The following KDM2A variants were observed in gnomAD, a reference collection of about 807,000 sequenced individuals.
KDM2A encodes the protein lysine-specific demethylase 2A.
In KDM2A, 3 loss-of-function variants were observed where a neutral mutation model predicts 137.3. That is an observed-to-expected ratio of 0.02 (90% CI 0.01 to 0.06). The LOEUF (loss-of-function observed/expected upper bound fraction) is 0.06. Among genes scored for constraint, KDM2A ranks in the 10% least tolerant of loss-of-function variants. The pLI is 1.00. For synonymous variants in KDM2A, 512 were observed against 541.5 expected (o/e 0.95, Z 0.76); for missense variants, 738 against 1,510.6 (o/e 0.49, Z 8.48).
chr11:67,245,638 A>T lies in KDM2A; in HGVS notation c.1833+180A>T. The T allele has an allele frequency of 1.5e-6, 1 of 669,826 alleles. No homozygotes were observed. The highest frequency in any genetic ancestry group is 2.5e-6 in the Non-Finnish European group (1 of 402,820). 41.5% of individuals were successfully genotyped at this position (669,826 alleles called of 1,614,324 possible). On this transcript the variant is annotated intron_variant, in intron 14 of 20. Coordinates refer to ENST00000529006, the MANE Select transcript of KDM2A (RefSeq NM_012308.3). The surrounding 1 kb of genome is among the most constrained non-coding windows in gnomAD (Gnocchi z 4.1). ...TAGATAGAAGGTATCTAGTACTAAA[A>T]ATCCGATTTAATCTTTAGGCTTTAC...
chr11:67,249,972 A>T, intron 16 of KDM2A, 114 bp from the exon 17 acceptor site: 1 of 715,744 alleles, frequency 1.4e-6, no homozygotes, highest in East Asian at 3.0e-5. Context: ...CCCCCTCTCC[A>T]ACGTGACCTT....
rs79428209 is a variant in KDM2A at position 67,235,697 on chromosome 11, C to T, written c.1479+3737C>T. Reference sequence around the variant, plus strand: ...GGTGCAGTGGCGCCATCTCGGCTCACTGCAGCCTCCACCTCCTGGGTTCAA... The same window carrying T: ...GGTGCAGTGGCGCCATCTCGGCTCATTGCAGCCTCCACCTCCTGGGTTCAA... On this transcript the variant is annotated intron_variant, in intron 12 of 20. Coordinates refer to ENST00000529006, the MANE Select transcript of KDM2A (RefSeq NM_012308.3). Among the ~76,000 whole-genome samples the T allele has an allele frequency of 9.3e-3, 1,418 of 152,140 alleles. 9 individuals carry two copies. Among genetic ancestry groups the T allele is most frequent in the Non-Finnish European group, 0.015 (1,009 of 68,012 alleles).
In KDM2A at chr11:67,254,101, T is replaced by C; in HGVS notation, c.3092-102T>C. On this transcript the variant is annotated intron_variant, in intron 19 of 20. Coordinates refer to ENST00000529006, the MANE Select transcript of KDM2A (RefSeq NM_012308.3). This position sits in a 1 kb window ranked among gnomAD's most constrained non-coding sequence, Gnocchi z 4.7. ...GGTGTGGGCAGTTCTACTTAACCCC[T>C]TCAAGGGGGCCTGGCCAGCAAGTAG... The C allele has an allele frequency of 9.3e-7, 1 of 1,077,098 alleles. No individual in the cohort carries two copies. The highest frequency in any genetic ancestry group is 1.6e-5 in the African/African-American group (1 of 63,640). 66.7% of individuals were successfully genotyped at this position (1,077,098 alleles called of 1,614,324 possible).
At chr11:67,224,302 C>T (rs1227745401) in intron 10 of KDM2A, among the ~76,000 whole-genome samples, 1 of 152,020 alleles carries the variant, frequency 6.6e-6, no homozygotes, top group Non-Finnish European at 1.5e-5. Flanking sequence ...GAAATATGGC[C>T]TCTCTAAAAG....
rs946957961 is a variant in KDM2A, at chr11:67,173,508, T to G, written c.43-6571T>G. Among the ~76,000 whole-genome samples, 6 of 152,080 alleles carry G rather than the reference T, an allele frequency of 3.9e-5. No homozygotes were observed. In the East Asian group the frequency reaches 7.7e-4, roughly 20 times the overall value. On this transcript the variant is annotated intron_variant, in intron 2 of 20. Transcript: ENST00000529006. ...CCTGACCTCAATGATCAGCCTGTTT[T>G]GGCCTCCCATTGTGCTGGGATTACA...
intron 2 of KDM2A, among the ~76,000 whole-genome samples, chr11:67,166,190 T>G (rs1054969996): frequency 6.6e-6 from 1 of 150,626 alleles, no homozygotes; most frequent in African/African-American, 2.4e-5. Context: ...TTTCTCTTTT[T>G]TTTTTTTTTT....
intron 5 of KDM2A, among the ~76,000 whole-genome samples, chr11:67,185,483 A>C (rs557303294): frequency 6.6e-6 from 1 of 151,622 alleles, no homozygotes; most frequent in Non-Finnish European, 1.5e-5. Flanking sequence ...ACAAAACTTA[A>C]CTGGGCATGG....
Position 67,219,278 on chromosome 11 carries a change from C to T in KDM2A, c.842-10C>T. 1 of 1,498,336 alleles carries T rather than the reference C, an allele frequency of 6.7e-7. No homozygotes were observed. Among genetic ancestry groups the T allele is most frequent in the Non-Finnish European group, 9.1e-7 (1 of 1,101,764 alleles). 92.8% of individuals were successfully genotyped at this position (1,498,336 alleles called of 1,614,324 possible). ...TTTTCAGCCACTGCCCTCTGTTCCC[C>T]TTCTCCTAGGCTGGATTCATGCTGT... is the stretch of plus-strand genomic sequence containing the variant. On this transcript the variant is annotated splice_polypyrimidine_tract_variant and intron_variant, in intron 9 of 20. Coordinates refer to ENST00000529006, the MANE Select transcript of KDM2A (RefSeq NM_012308.3).
chr11:67,195,744 T>C (rs1857464406), intron 5 of KDM2A: 3 of 186,668 alleles, frequency 1.6e-5, no homozygotes, highest in Non-Finnish European at 3.5e-5. Context: ...ATTGTACTTA[T>C]ATTCAGTAAA....
At chr11:67,192,439 T>C (rs1857379307) in intron 5 of KDM2A, among the ~76,000 whole-genome samples, 1 of 122,654 alleles carries the variant, frequency 8.2e-6, no homozygotes, top group Non-Finnish European at 1.6e-5. Context: ...ATTTCTTTTT[T>C]TTTTTTTTTT....
At chr11:67,138,548 A>T (rs1856021590) in intron 2 of KDM2A, among the ~76,000 whole-genome samples, 1 of 152,166 alleles carries the variant, frequency 6.6e-6, no homozygotes. Context: ...TGGGAGGCTG[A>T]GGTGGGCAGA....
chr11:67,136,345 T>C (rs929704771), intron 2 of KDM2A, among the ~76,000 whole-genome samples: 1 of 152,334 alleles, frequency 6.6e-6, no homozygotes, highest in South Asian at 2.1e-4. Context: ...AGAGCATACT[T>C]AAGTTATACT....
At chr11:67,125,310 A>G (rs140170578) in intron 2 of KDM2A, among the ~76,000 whole-genome samples, 100 of 151,484 alleles carry the variant, frequency 6.6e-4, no homozygotes, top group African/African-American at 2.3e-3. Context: ...CTTCCCAGGT[A>G]GCTAGGACTA....
At chr11:67,253,200 T>C (rs985487865) in intron 18 of KDM2A, among the ~76,000 whole-genome samples, 1 of 152,220 alleles carries the variant, frequency 6.6e-6, no homozygotes, top group African/African-American at 2.4e-5. Context: ...CTTCAGCATT[T>C]TGAGCTCTTA....
At position 67,245,413 on chromosome 11, in the gene KDM2A, G is replaced by A. The variant is rs200250329; in HGVS notation, c.1788G>A (p.Gly596=). 1 of 1,613,954 alleles carries A rather than the reference G, an allele frequency of 6.2e-7. No individual in the cohort carries two copies. The change falls in exon 14 of 21, where the codon GGG becomes GGA. Residue 596 remains glycine, a synonymous_variant. Transcript: ENST00000529006. The surrounding 1 kb of genome is among the most constrained non-coding windows in gnomAD (Gnocchi z 4.1). Reference sequence around the variant, plus strand: ...GCAGAGACATGAAGAAGTTTGGGGGGCCTGGACGCATGAAGCAGTCCTGTG... The same window carrying A: ...GCAGAGACATGAAGAAGTTTGGGGGACCTGGACGCATGAAGCAGTCCTGTG... ...HYCRDMKKFG[G]PGRMKQSCVL...
intron 2 of KDM2A, among the ~76,000 whole-genome samples, chr11:67,158,637 A>G (rs528135663): frequency 2.0e-5 from 3 of 152,160 alleles, no homozygotes; most frequent in Non-Finnish European, 2.9e-5. Context: ...CTCCCTAATG[A>G]TGTACAATGT....
At chr11:67,246,822 A>G (rs1211880816) in intron 15 of KDM2A, among the ~76,000 whole-genome samples, 2 of 151,638 alleles carry the variant, frequency 1.3e-5, no homozygotes, top group African/African-American at 4.8e-5. Context: ...TGAAAAGTAT[A>G]CCTTTTATAG....
At chr11:67,155,266 A>G (rs1856486918) in intron 2 of KDM2A, among the ~76,000 whole-genome samples, 1 of 152,078 alleles carries the variant, frequency 6.6e-6, no homozygotes, top group Non-Finnish European at 1.5e-5. Flanking sequence ...TCTGCCTGCT[A>G]CAGGCATAAG....
chr11:67,194,457 GT>G (rs1857432728), intron 5 of KDM2A, among the ~76,000 whole-genome samples: 1 of 152,194 alleles, frequency 6.6e-6, no homozygotes, highest in African/African-American at 2.4e-5. Context: ...CTTAAGTTAT[GT>G]TATCTAGTCA....
Sources: gnomAD v4.1 joint callset for allele counts (sites outside exome capture counted in the v4.1 genomes callset) on GRCh38, gnomAD v4.1.1 for gene constraint, Gnocchi (gnomAD v3.1) non-coding constraint, MANE v1.5 for transcripts, NCBI Gene and HGNC (gene_info 2026-07-23, HGNC 2026-07-21) for gene names.